Variants in WDR70 observed in about 807,000 individuals in gnomAD.
WDR70 encodes the protein WD repeat-containing protein 70.
WDR70 carries 53 observed loss-of-function variants against 88.6 expected under a neutral mutation model. The ratio of observed to expected loss-of-function variants is 0.60; its 90% CI spans 0.48 to 0.75. The LOEUF (loss-of-function observed/expected upper bound fraction) is 0.75, where lower values mean the gene tolerates loss of function less well. Ranked by LOEUF, WDR70 falls within the 30% of genes least tolerant of loss-of-function variation. WDR70 has a pLI of 0.00. For missense variants in WDR70, 610 were observed against 823.2 expected, an observed-to-expected ratio of 0.74 and a Z score of 3.17; for synonymous variants, 280 against 270.0, an observed-to-expected ratio of 1.04 and a Z score of -0.36.
At chr5:37,577,133 G>T (rs962170086) in intron 9 of WDR70, among the ~76,000 whole-genome samples, 1 of 152,186 alleles carries the variant, frequency 6.6e-6, no homozygotes, top group Non-Finnish European at 1.5e-5. Flanking sequence ...TAGTGAGCAG[G>T]ATAGCTCCCA....
At chr5:37,508,089 A>C (rs1474414551) in intron 8 of WDR70, among the ~76,000 whole-genome samples, 1 of 152,180 alleles carries the variant, frequency 6.6e-6, no homozygotes, top group East Asian at 1.9e-4. Context: ...TTTACCATTA[A>C]ATAGGTAGTT....
chr5:37,558,612 C>T (rs1023364792), intron 9 of WDR70, among the ~76,000 whole-genome samples: 11 of 152,232 alleles, frequency 7.2e-5, no homozygotes, highest in African/African-American at 2.6e-4. Flanking sequence ...AGGCATGAGC[C>T]ACTGCACCCA....
intron 10 of WDR70, among the ~76,000 whole-genome samples, chr5:37,620,569 A>C (rs1330976455): frequency 6.6e-6 from 1 of 152,222 alleles, no homozygotes; most frequent in African/African-American, 2.4e-5. Context: ...CATATATGAA[A>C]CTGAAAAAGG....
rs749270516 is a variant in WDR70, at chr5:37,480,028, C to T, written c.840+41C>T. The T allele has an allele frequency of 3.8e-6, 6 of 1,575,102 alleles. No homozygotes were observed. The Admixed American group carries it at 9.3e-5, about 24-fold the overall frequency. The stretch of plus-strand genomic sequence containing the variant: ...AATATTTTAATGAATTAATTCAGCA[C>T]ACATTTATTAACAACTATTTGAGTT... On this transcript the variant is annotated intron_variant, in intron 8 of 17. Transcript: ENST00000265107.
chr5:37,444,417 CA>C (rs1412588293), intron 7 of WDR70, among the ~76,000 whole-genome samples: 1 of 145,398 alleles, frequency 6.9e-6, no homozygotes, highest in Non-Finnish European at 1.5e-5. Flanking sequence ...TGGCTCACTG[CA>C]ACCTCTGCTT....
intron 9 of WDR70, among the ~76,000 whole-genome samples, chr5:37,519,388 AGCCGGGCG>A (rs1741003588): frequency 8.9e-6 from 1 of 112,958 alleles, no homozygotes; most frequent in African/African-American, 3.4e-5. Context: ...CAGATGGGGC[AGCCGGGCG>A]GAGGCGCTCC....
intron 9 of WDR70, among the ~76,000 whole-genome samples, chr5:37,540,540 C>G (rs1162881750): frequency 6.6e-6 from 1 of 152,134 alleles, no homozygotes. Flanking sequence ...CACTACCATG[C>G]CCAGCTAATT....
At chr5:37,714,342 A>G (rs1747596025) in intron 13 of WDR70, among the ~76,000 whole-genome samples, 1 of 152,208 alleles carries the variant, frequency 6.6e-6, no homozygotes, top group African/African-American at 2.4e-5. Flanking sequence ...GAAGAAATGT[A>G]AAGGAGCCCA....
intron 17 of WDR70, among the ~76,000 whole-genome samples, chr5:37,742,244 AT>A (rs1489018581): frequency 1.3e-5 from 2 of 148,556 alleles, no homozygotes; most frequent in Non-Finnish European, 3.0e-5. Context: ...ATCCTGGCCA[AT>A]ACTTGTTATT....
At chr5:37,409,509 T>G (rs1029114588) in intron 5 of WDR70, among the ~76,000 whole-genome samples, 2 of 151,648 alleles carry the variant, frequency 1.3e-5, no homozygotes, top group Non-Finnish European at 2.9e-5. Context: ...GCCTTACTTT[T>G]TTTTTTTTTT....
chr5:37,673,301 A>G (rs754061016), intron 10 of WDR70, among the ~76,000 whole-genome samples: 1 of 152,080 alleles, frequency 6.6e-6, no homozygotes, highest in Non-Finnish European at 1.5e-5. Flanking sequence ...CCAGTCTACT[A>G]TTGATGAGCT....
chr5:37,743,998 A>G (rs537879042), intron 17 of WDR70, among the ~76,000 whole-genome samples: 2 of 152,272 alleles, frequency 1.3e-5, no homozygotes, highest in South Asian at 4.1e-4. Flanking sequence ...CAGACGCCCT[A>G]TACAAGAGCA....
chr5:37,582,039 C>T (rs755124526), intron 9 of WDR70, among the ~76,000 whole-genome samples: 9 of 152,008 alleles, frequency 5.9e-5, no homozygotes, highest in Admixed American at 3.3e-4. Context: ...TAGTACCTGT[C>T]TTACTAGGAT....
At chr5:37,501,100 G>T (rs1740394111) in intron 8 of WDR70, among the ~76,000 whole-genome samples, 1 of 151,860 alleles carries the variant, frequency 6.6e-6, no homozygotes, top group Non-Finnish European at 1.5e-5. Context: ...CTTTTTGATG[G>T]GATTTTTTTT....
chr5:37,384,337 A>G (rs550136172), intron 3 of WDR70, among the ~76,000 whole-genome samples: 74 of 151,834 alleles, frequency 4.9e-4, no homozygotes, highest in Non-Finnish European at 9.6e-4. Context: ...TGGTGCTACC[A>G]CACCCCACTA....
intron 5 of WDR70, among the ~76,000 whole-genome samples, chr5:37,426,087 C>T (rs774434819): frequency 4.6e-5 from 7 of 152,090 alleles, no homozygotes; most frequent in Admixed American, 6.6e-5. Flanking sequence ...ACAAGATGAG[C>T]AGAAAGCCTA....
intron 9 of WDR70, among the ~76,000 whole-genome samples, chr5:37,575,881 T>G (rs1561908470): frequency 6.6e-6 from 1 of 152,156 alleles, no homozygotes; most frequent in Non-Finnish European, 1.5e-5. Context: ...AGTCCTAAAC[T>G]TGGGTCTGAC....
chr5:37,419,505 C>G (rs1749875529), intron 5 of WDR70, among the ~76,000 whole-genome samples: 1 of 149,920 alleles, frequency 6.7e-6, no homozygotes, highest in Non-Finnish European at 1.5e-5. Flanking sequence ...CGCCCAGCTG[C>G]TTTTCTTTTT....
intron 8 of WDR70, among the ~76,000 whole-genome samples, chr5:37,513,086 T>C (rs933119154): frequency 4.6e-5 from 7 of 152,226 alleles, no homozygotes; most frequent in Admixed American, 2.0e-4. Flanking sequence ...TGTTCCTGTT[T>C]ATATTCAATT....
Sources: allele counts gnomAD v4.1 joint callset (sites outside exome capture counted in the v4.1 genomes callset), GRCh38; gene constraint gnomAD v4.1.1; transcripts MANE v1.5; gene names NCBI Gene and HGNC (gene_info 2026-07-23, HGNC 2026-07-21).